PTPRD: variants seen among roughly 807,000 people sequenced by gnomAD.
PTPRD encodes receptor-type tyrosine-protein phosphatase delta.
PTPRD carries 34 observed loss-of-function variants against 214.5 expected under a neutral mutation model. That is an observed-to-expected ratio of 0.16 (90% CI 0.12 to 0.21). The LOEUF (loss-of-function observed/expected upper bound fraction) is 0.21, where lower values mean the gene tolerates loss of function less well. Among genes scored for constraint, PTPRD ranks in the 10% least tolerant of loss-of-function variants. The probability of loss-of-function intolerance (pLI) is 1.00; values close to 1 mark genes in which losing one functional copy is unlikely to be tolerated. For synonymous variants in PTPRD, 1,128 were observed against 845.7 expected (o/e 1.33, Z -5.79); for missense variants, 2,545 against 2,398.7 (o/e 1.06, Z -1.27).
intron 8 of PTPRD, among the ~76,000 whole-genome samples, chr9:9,503,795 G>A (rs958697880): frequency 2.6e-5 from 4 of 151,668 alleles, no homozygotes; most frequent in Admixed American, 6.6e-5. Flanking sequence ...GCTCTCTGAA[G>A]CATTCTTGGG....
intron 39 of PTPRD, among the ~76,000 whole-genome samples, chr9:8,352,583 G>A (rs372138703): frequency 2.0e-5 from 3 of 152,210 alleles, no homozygotes; most frequent in South Asian, 4.1e-4. Flanking sequence ...CATGGACTAC[G>A]TACAACGTGT....
chr9:9,837,505 A>G (rs1293934195), intron 5 of PTPRD, among the ~76,000 whole-genome samples: 1 of 152,122 alleles, frequency 6.6e-6, no homozygotes, highest in African/African-American at 2.4e-5. Flanking sequence ...ATAAAAGTCA[A>G]AAGGGCCATA....
chr9:9,340,146 TA>T (rs2046217176), intron 9 of PTPRD, among the ~76,000 whole-genome samples: 1 of 152,046 alleles, frequency 6.6e-6, no homozygotes, highest in Non-Finnish European at 1.5e-5. Flanking sequence ...CTAAAGACAG[TA>T]AAGTGATACT....
rs552139508 is a variant in PTPRD at position 8,329,076 on chromosome 9, C to T, written c.5534+2506G>A. On this transcript the variant is annotated intron_variant, in intron 44 of 45. Coordinates refer to ENST00000381196, the MANE Select transcript of PTPRD (RefSeq NM_002839.4). ...CTGTCCTGTTTTGTTCCCTTGCTGGCGAGGAGTTGTGATCCTTTGGAGGAG... is the reference window on the plus strand; with the variant it reads ...CTGTCCTGTTTTGTTCCCTTGCTGGTGAGGAGTTGTGATCCTTTGGAGGAG... Among the ~76,000 whole-genome samples the T allele has an allele frequency of 8.3e-4, 127 of 152,158 alleles. No homozygotes were observed. The Middle Eastern group carries it at 0.01, about 12-fold the overall frequency.
intron 2 of PTPRD, among the ~76,000 whole-genome samples, chr9:10,341,435 C>G (rs1343679056): frequency 6.6e-6 from 1 of 151,192 alleles, no homozygotes; most frequent in Non-Finnish European, 1.5e-5. Flanking sequence ...AAATGTGGCT[C>G]ATAAAAGATA....
intron 5 of PTPRD, among the ~76,000 whole-genome samples, chr9:9,825,600 T>C (rs1204850049): frequency 2.0e-5 from 3 of 151,988 alleles, no homozygotes; most frequent in Non-Finnish European, 4.4e-5. Flanking sequence ...ACATTTTAAA[T>C]GTTCACCATT....
At chr9:8,381,143 C>T (rs1250335350) in intron 37 of PTPRD, among the ~76,000 whole-genome samples, 1 of 152,080 alleles carries the variant, frequency 6.6e-6, no homozygotes, top group East Asian at 1.9e-4. Flanking sequence ...TAAGTTTGGG[C>T]AGAGTGGTTG....
At chr9:10,524,831 A>G (rs935421761) in intron 2 of PTPRD, among the ~76,000 whole-genome samples, 1 of 152,058 alleles carries the variant, frequency 6.6e-6, no homozygotes, top group Non-Finnish European at 1.5e-5. Flanking sequence ...TTTACATTGT[A>G]AAAGAAGGTA....
chr9:10,377,241 T>G (rs2097749084), intron 2 of PTPRD, among the ~76,000 whole-genome samples: 1 of 152,088 alleles, frequency 6.6e-6, no homozygotes, highest in Non-Finnish European at 1.5e-5. Context: ...GATCTCATTC[T>G]TTTTATGGAT....
At chr9:8,335,747 T>C (rs895648015) in intron 43 of PTPRD, among the ~76,000 whole-genome samples, 2 of 152,186 alleles carry the variant, frequency 1.3e-5, no homozygotes, top group South Asian at 2.1e-4. Context: ...GAAGACCCCA[T>C]TGTCTCAGCC....
At chr9:9,780,198 C>G (rs1033555930) in intron 5 of PTPRD, among the ~76,000 whole-genome samples, 4 of 152,040 alleles carry the variant, frequency 2.6e-5, no homozygotes, top group Admixed American at 6.6e-5. Flanking sequence ...TAAGTGGGAG[C>G]TAAACATTGA....
intron 11 of PTPRD, among the ~76,000 whole-genome samples, chr9:8,977,570 C>G (rs1175335247): frequency 2.0e-5 from 3 of 151,898 alleles, no homozygotes; most frequent in African/African-American, 7.3e-5. Flanking sequence ...CATCTTGAAC[C>G]CTCGAGGTTT....
intron 5 of PTPRD, among the ~76,000 whole-genome samples, chr9:9,785,874 A>C (rs2098919560): frequency 6.6e-6 from 1 of 152,164 alleles, no homozygotes; most frequent in Non-Finnish European, 1.5e-5. Flanking sequence ...CTGCTAGTCA[A>C]TAATTATTCA....
At chr9:9,890,675 CCA>C (rs2072989375) in intron 5 of PTPRD, among the ~76,000 whole-genome samples, 1 of 151,802 alleles carries the variant, frequency 6.6e-6, no homozygotes, top group Admixed American at 6.6e-5. Flanking sequence ...CAGAACTGAC[CCA>C]CAGAGACTCT....
intron 7 of PTPRD, among the ~76,000 whole-genome samples, chr9:9,709,069 T>C (rs2097678829): frequency 6.6e-6 from 1 of 152,008 alleles, no homozygotes; most frequent in Non-Finnish European, 1.5e-5. Flanking sequence ...GTTTAAGATC[T>C]TATAAAACAT....
rs568810164 is a variant in PTPRD, at chr9:8,491,854, A to G, written c.2467+1008T>C. Among the ~76,000 whole-genome samples the G allele has an allele frequency of 3.3e-5, 5 of 152,276 alleles. No individual in the cohort carries two copies. The East Asian group carries it at 9.7e-4, about 29-fold the overall frequency. On this transcript the variant is annotated intron_variant, in intron 27 of 45. Transcript: ENST00000381196. Reference sequence around the variant, plus strand: ...CAGCTGTTCTTTACTTTATGCCTTTACATAGAGGTATGTTCCTAAAAAGAT... The same window carrying G: ...CAGCTGTTCTTTACTTTATGCCTTTGCATAGAGGTATGTTCCTAAAAAGAT...
At chr9:9,329,105 C>T (rs2136413085) in intron 9 of PTPRD, among the ~76,000 whole-genome samples, 1 of 152,102 alleles carries the variant, frequency 6.6e-6, no homozygotes, top group South Asian at 2.1e-4. Flanking sequence ...ATCCTCTTCC[C>T]AAAACCACCT....
intron 4 of PTPRD, among the ~76,000 whole-genome samples, chr9:10,031,647 T>TATAC: frequency 3.3e-5 from 3 of 89,690 alleles, no homozygotes; most frequent in Non-Finnish European, 3.8e-5. Context: ...TATATATATA[T>TATAC]ACACACACAC....
intron 9 of PTPRD, among the ~76,000 whole-genome samples, chr9:9,340,888 G>A (rs1027915705): frequency 9.2e-5 from 14 of 152,044 alleles, no homozygotes; most frequent in Admixed American, 2.6e-4. Context: ...CTAATCATTA[G>A]AATAAACTAC....
Sources: gnomAD v4.1 joint callset for allele counts (sites outside exome capture counted in the v4.1 genomes callset) on GRCh38, gnomAD v4.1.1 for gene constraint, MANE v1.5 for transcripts, NCBI Gene and HGNC (gene_info 2026-07-23, HGNC 2026-07-21) for gene names.